GLRA2: variants seen among roughly 807,000 people sequenced by gnomAD.
GLRA2 encodes glycine receptor subunit alpha-2.
In GLRA2, 11 loss-of-function variants were observed where a neutral mutation model predicts 31.6. The observed-to-expected ratio is 0.35, with a 90% CI of 0.22 to 0.58. The LOEUF (loss-of-function observed/expected upper bound fraction) is 0.58, where lower values mean the gene tolerates loss of function less well. Ranked by LOEUF, GLRA2 falls within the 20% of genes least tolerant of loss-of-function variation. GLRA2 has a pLI of 0.84. For synonymous variants in GLRA2, 132 were observed against 134.0 expected (o/e 0.99, Z 0.10); for missense variants, 212 against 351.8 (o/e 0.60, Z 3.18).
the GLRA2 span, among the ~76,000 whole-genome samples, chrX:14,462,330 G>A: frequency 2.4e-3 from 264 of 110,616 alleles, 1 homozygote; most frequent in African/African-American, 8.3e-3. Context: ...GTGTCTTGGG[G>A]TTGCTCTTCT....
intron 7 of GLRA2, among the ~76,000 whole-genome samples, chrX:14,684,950 G>A (rs1410873385): frequency 9.0e-6 from 1 of 110,692 alleles, no homozygotes; most frequent in Non-Finnish European, 1.9e-5. Context: ...TTAGCTGTGG[G>A]TTTGTCATAG....
At chrX:14,480,479 G>C in the GLRA2 span, among the ~76,000 whole-genome samples, 9 of 111,528 alleles carry the variant, frequency 8.1e-5, no homozygotes, top group Non-Finnish European at 1.3e-4. Context: ...TTTTCTTCTA[G>C]GATTATTATA....
intron 7 of GLRA2, among the ~76,000 whole-genome samples, chrX:14,625,110 T>C (rs1182109105): frequency 8.9e-6 from 1 of 111,757 alleles, no homozygotes; most frequent in Non-Finnish European, 1.9e-5. Context: ...AATGGCCTTC[T>C]TTGTCTCTTT....
intron 1 of GLRA2, chrX:14,531,046 C>A: frequency 1.0e-6 from 1 of 967,531 alleles, no homozygotes. Flanking sequence ...TTCAGGTTTA[C>A]ACCTCCTACT....
chrX:14,648,892 T>C (rs1381308860), intron 7 of GLRA2, among the ~76,000 whole-genome samples: 1 of 111,993 alleles, frequency 8.9e-6, no homozygotes, highest in Non-Finnish European at 1.9e-5. Flanking sequence ...ATGCAAAATG[T>C]TTAAAAATAA....
intron 7 of GLRA2, among the ~76,000 whole-genome samples, chrX:14,649,800 A>G (rs766666968): frequency 1.8e-5 from 2 of 112,077 alleles, no homozygotes; most frequent in South Asian, 3.7e-4. Flanking sequence ...ATGGATTTTT[A>G]CTGCTTACTC....
the GLRA2 span, among the ~76,000 whole-genome samples, chrX:14,477,270 G>C: frequency 9.0e-6 from 1 of 111,545 alleles, no homozygotes; most frequent in Non-Finnish European, 1.9e-5. Context: ...TTATTAAAAA[G>C]AAAAAAGTTT....
intron 2 of GLRA2, among the ~76,000 whole-genome samples, chrX:14,565,927 G>A (rs776748974): frequency 8.1e-5 from 9 of 111,525 alleles, no homozygotes; most frequent in African/African-American, 2.9e-4. Flanking sequence ...AGAATAAGAA[G>A]AGCAAACTAA....
At chrX:14,585,962 A>G (rs938275922) in intron 4 of GLRA2, among the ~76,000 whole-genome samples, 4 of 112,366 alleles carry the variant, frequency 3.6e-5, no homozygotes, top group African/African-American at 9.7e-5. Context: ...GCAAATATCA[A>G]TTGCATTTAA....
intron 4 of GLRA2, among the ~76,000 whole-genome samples, chrX:14,602,025 C>T (rs1427594157): frequency 1.8e-5 from 2 of 111,579 alleles, no homozygotes; most frequent in Non-Finnish European, 3.8e-5. Flanking sequence ...TGGTTGATGA[C>T]AAAACAAATG....
chrX:14,583,580 A>G (rs1426002868), intron 4 of GLRA2, among the ~76,000 whole-genome samples: 3 of 111,518 alleles, frequency 2.7e-5, no homozygotes, highest in Non-Finnish European at 3.8e-5. Flanking sequence ...CTACTAAAAA[A>G]TATAAAAAAT....
chrX:14,721,387 A>T (rs1157401629), intron 8 of GLRA2, among the ~76,000 whole-genome samples: 3 of 111,542 alleles, frequency 2.7e-5, no homozygotes, highest in African/African-American at 9.8e-5. Context: ...CCTTGAGTTA[A>T]TCATTCCACA....
At chrX:14,635,174 T>C (rs975125501) in intron 7 of GLRA2, among the ~76,000 whole-genome samples, 2 of 111,869 alleles carry the variant, frequency 1.8e-5, no homozygotes, top group Admixed American at 1.9e-4. Flanking sequence ...AGAGGAAAGC[T>C]GCTAATAAAG....
chrX:14,550,260 G>GTT (rs112010468), intron 2 of GLRA2, among the ~76,000 whole-genome samples: 1 of 97,973 alleles, frequency 1.0e-5, no homozygotes. Flanking sequence ...GGGAAAGGAG[G>GTT]TTTTTTTTTT....
chrX:14,626,665 G>T (rs774573328), intron 7 of GLRA2, among the ~76,000 whole-genome samples: 3 of 111,516 alleles, frequency 2.7e-5, no homozygotes, highest in Non-Finnish European at 5.7e-5. Flanking sequence ...GCCCAACCAG[G>T]TATAAGACAT....
intron 7 of GLRA2, among the ~76,000 whole-genome samples, chrX:14,662,278 A>G (rs2090998805): frequency 8.9e-6 from 1 of 111,822 alleles, no homozygotes; most frequent in Admixed American, 9.6e-5. Flanking sequence ...TCTTACATAT[A>G]CACAGATACC....
At chrX:14,566,860 C>T (rs1028414461) in intron 2 of GLRA2, among the ~76,000 whole-genome samples, 1 of 111,798 alleles carries the variant, frequency 8.9e-6, no homozygotes, top group Non-Finnish European at 1.9e-5. Context: ...AGATAACACC[C>T]TAGACTGAAT....
At position 14,722,791 on chromosome X, in the gene GLRA2, C is replaced by A. The variant is rs189515891; in HGVS notation, c.1081-7416C>A. Among the ~76,000 whole-genome samples, 558 of 111,580 alleles carry A rather than the reference C, an allele frequency of 5.0e-3. 3 individuals are homozygous for A. The highest frequency in any genetic ancestry group is 9.1e-3 in the Admixed American group (96 of 10,498). On this transcript the variant is annotated intron_variant, in intron 8 of 8. Transcript: ENST00000218075. ...TGCAGAATGAGTGTAGGGGATCCCA[C>A]CAGCTGACCTAAACCATGGCTACTC... is the stretch of plus-strand genomic sequence containing the variant.
At chrX:14,559,621 G>A (rs1260728863) in intron 2 of GLRA2, among the ~76,000 whole-genome samples, 2 of 108,186 alleles carry the variant, frequency 1.8e-5, no homozygotes, top group Non-Finnish European at 3.8e-5. Context: ...GTTTTGCCAT[G>A]TTGACCAGGC....
Sources: gnomAD v4.1 joint callset for allele counts (sites outside exome capture counted in the v4.1 genomes callset) on GRCh38, gnomAD v4.1.1 for gene constraint, MANE v1.5 for transcripts, NCBI Gene and HGNC (gene_info 2026-07-23, HGNC 2026-07-21) for gene names.